RMDN3: variants seen among roughly 807,000 people sequenced by gnomAD.
RMDN3 encodes regulator of microtubule dynamics 3.
In RMDN3, 41 loss-of-function variants were observed where a neutral mutation model predicts 61.8. That is an observed-to-expected ratio of 0.66 (90% CI 0.52 to 0.86). RMDN3 has a LOEUF of 0.86. Ranked by LOEUF, RMDN3 falls within the 40% of genes least tolerant of loss-of-function variation. The pLI is 0.00. For synonymous variants in RMDN3, 247 were observed against 232.0 expected (o/e 1.06, Z -0.59); for missense variants, 557 against 585.3 (o/e 0.95, Z 0.50).
rs759322252 is a variant in RMDN3, at chr15:40,752,045, C to T, written c.321G>A (p.Glu107=). 2 of 1,614,240 alleles carry T rather than the reference C, an allele frequency of 1.2e-6. No homozygotes were observed. The highest frequency in any genetic ancestry group is 1.1e-5 in the South Asian group (1 of 91,088). ...VLTSLVALRR[E]VEELRSSLRG... ...GCAGGCTGCTTCTCAGCTCCTCCACCTCCCGCCGCAGCGCCACAAGGCTGG... is the reference window on the plus strand; with the variant it reads ...GCAGGCTGCTTCTCAGCTCCTCCACTTCCCGCCGCAGCGCCACAAGGCTGG... Residue 107 remains glutamate, a synonymous_variant, in exon 3 of 13, where the codon GAG becomes GAA. Transcript: ENST00000338376.
At chr15:40,750,360 C>G (rs917956541) in intron 4 of RMDN3, among the ~76,000 whole-genome samples, 1 of 152,034 alleles carries the variant, frequency 6.6e-6, no homozygotes, top group Non-Finnish European at 1.5e-5. Context: ...GCTGGGATTA[C>G]AGGCATGCAC....
At chr15:40,752,290 A>G (rs1174940639) in intron 2 of RMDN3, 112 bp from the exon 3 acceptor site, 5 of 1,073,862 alleles carry the variant, frequency 4.7e-6, no homozygotes. Context: ...AGGCCCAGTG[A>G]CGCTCAGATA....
Position 40,754,658 on chromosome 15 carries a change from G to A in RMDN3, c.126C>T (p.Gly42=). ...SQRWKRTQRH[G]RSQSLPNSLD... ...GGGAGTTGGGCAGGCTCTGGCTGCG[G>A]CCATGACGCTGGGTCCGTTTCCATC... The change falls in exon 2 of 13, where the codon GGC becomes GGT. Residue 42 remains glycine, a synonymous_variant. Transcript: ENST00000338376. The A allele has an allele frequency of 1.2e-6, 2 of 1,614,168 alleles. No individual in the cohort carries two copies. The highest frequency in any genetic ancestry group is 1.7e-6 in the Non-Finnish European group (2 of 1,180,034).
chr15:40,752,719 CCCAT>C (rs148605472), intron 2 of RMDN3, among the ~76,000 whole-genome samples: 4 of 152,238 alleles, frequency 2.6e-5, no homozygotes, highest in African/African-American at 7.2e-5. Flanking sequence ...CCAGAAAAAG[CCCAT>C]CCAAACTGCC....
In RMDN3 at chr15:40,745,287, G is replaced by A. The variant is rs762220979; in HGVS notation, c.525-28C>T. On this transcript the variant is annotated intron_variant, in intron 4 of 12. Transcript: ENST00000338376. ...GGCAGAGAAATGTAAGGGACAACAA[G>A]AGGATTATTCAGCTCAGAGCCCCTA... 3.7e-6 allele frequency: 6 copies of A among 1,607,726 alleles called. No homozygotes were observed. In the Admixed American group the frequency reaches 8.4e-5, roughly 22 times the overall value.
At chr15:40,751,211 G>A (rs1005951400) in intron 4 of RMDN3, among the ~76,000 whole-genome samples, 1 of 152,210 alleles carries the variant, frequency 6.6e-6, no homozygotes, top group Admixed American at 6.5e-5. Context: ...AATAAACTAA[G>A]ATAACAGATG....
rs369661380 is a variant in RMDN3 at position 40,745,049 on chromosome 15, G to T, written c.735C>A (p.Ala245=). 6.2e-7 allele frequency: 1 copy of T among 1,613,896 alleles called. No individual in the cohort carries two copies. The highest frequency in any genetic ancestry group is 1.1e-5 in the South Asian group (1 of 91,084). Residue 245 remains alanine, a synonymous_variant, in exon 5 of 13, where the codon GCC becomes GCA. Coordinates refer to ENST00000338376, the MANE Select transcript of RMDN3 (RefSeq NM_018145.3). The stretch of plus-strand genomic sequence containing the variant: ...GCTCATCACCCCTGTGCAGCTCGTC[G>T]GCCTGCTGCAGGAGGGGCAGCACAT... ...LEDVLPLLQQ[A]DELHRGDEQG...
Position 40,752,012 on chromosome 15 carries a change from A to G in RMDN3, c.354T>C (p.Leu118=). ...VEELRSSLRG[L]AGEIVGEVRC... is the part of the protein sequence containing the mutation. The stretch of plus-strand genomic sequence containing the variant: ...GGACCTCCCCAACAATCTCCCCCGC[A>G]AGCCCTCGCAGGCTGCTTCTCAGCT... Residue 118 remains leucine, a synonymous_variant, in exon 3 of 13, where the codon CTT becomes CTC. Coordinates refer to ENST00000338376, the MANE Select transcript of RMDN3 (RefSeq NM_018145.3). The G allele has an allele frequency of 6.2e-7, 1 of 1,614,144 alleles. No individual in the cohort carries two copies. Among genetic ancestry groups the G allele is most frequent in the East Asian group, 2.2e-5 (1 of 44,880 alleles).
At chr15:40,739,428 C>CT (rs564240538) in intron 7 of RMDN3, 9 of 152,306 alleles carry the variant, frequency 5.9e-5, no homozygotes, top group Middle Eastern at 3.4e-3. Flanking sequence ...TACCTGGCCT[C>CT]TGAGAAGAAC....
intron 6 of RMDN3, among the ~76,000 whole-genome samples, chr15:40,743,370 G>A (rs576088662): frequency 1.3e-5 from 2 of 151,632 alleles, no homozygotes; most frequent in South Asian, 4.2e-4. Flanking sequence ...GCAGTCAGCC[G>A]AGATCAGGCC....
intron 4 of RMDN3, among the ~76,000 whole-genome samples, chr15:40,746,201 G>A (rs1897540389): frequency 6.6e-6 from 1 of 152,180 alleles, no homozygotes; most frequent in South Asian, 2.1e-4. Context: ...CAGGGGAAAA[G>A]GTAGGACTTC....
intron 10 of RMDN3, 96 bp from the exon 11 acceptor site, chr15:40,737,437 C>T (rs1897099779): frequency 1.6e-6 from 2 of 1,271,700 alleles, no homozygotes; most frequent in Admixed American, 3.4e-5. Context: ...AACCATGTGG[C>T]TGATTCAGTG....
chr15:40,748,399 C>T (rs1402954074), intron 4 of RMDN3, among the ~76,000 whole-genome samples: 1 of 152,202 alleles, frequency 6.6e-6, no homozygotes, highest in Non-Finnish European at 1.5e-5. Flanking sequence ...CACCTGCTCT[C>T]ATGCCACGGG....
chr15:40,744,888 AC>A, intron 5 of RMDN3, 88 bp downstream of exon 5: 1 of 1,380,518 alleles, frequency 7.2e-7, no homozygotes. Context: ...AGGGGCAGTA[AC>A]CACACGGGCC....
At chr15:40,736,685 CT>C (rs1479359388) in intron 12 of RMDN3, 91 bp from the exon 13 acceptor site, 3 of 1,094,624 alleles carry the variant, frequency 2.7e-6, no homozygotes, top group Non-Finnish European at 4.2e-6. Flanking sequence ...CCTTTGCTTC[CT>C]TCCTGAGCTC....
intron 4 of RMDN3, among the ~76,000 whole-genome samples, chr15:40,745,895 G>T (rs1400155154): frequency 6.6e-6 from 1 of 152,148 alleles, no homozygotes; most frequent in Non-Finnish European, 1.5e-5. Flanking sequence ...GCAACCTCTG[G>T]CCCAAGTCAA....
chr15:40,745,392 C>T, intron 4 of RMDN3, 133 bp from the exon 5 acceptor site: 1 of 745,658 alleles, frequency 1.3e-6, no homozygotes, highest in Non-Finnish European at 2.1e-6. Flanking sequence ...ATTCATACCT[C>T]TTAAGGGCAG....
chr15:40,742,163 T>G (rs1897309357), intron 6 of RMDN3, among the ~76,000 whole-genome samples: 1 of 150,892 alleles, frequency 6.6e-6, no homozygotes, highest in Non-Finnish European at 1.5e-5. Flanking sequence ...GCCTGGCTAA[T>G]TTTTTAAGTT....
Position 40,737,339 on chromosome 15 carries a change from A to T in RMDN3, c.1227T>A (p.Ala409=). Reference sequence around the variant, plus strand: ...TGGAAAATCCTGGCTGTAGTTCTTCAGCCTGGGAAAAGGGACAAAGATATT... The same window carrying T: ...TGGAAAATCCTGGCTGTAGTTCTTCTGCCTGGGAAAAGGGACAAAGATATT... ...VEDALQSFLK[A]EELQPGFSKA... is the part of the protein sequence containing the mutation. The change falls in exon 11 of 13, where the codon GCT becomes GCA. Residue 409 remains alanine, a splice_region_variant and synonymous_variant. Coordinates refer to ENST00000338376, the MANE Select transcript of RMDN3 (RefSeq NM_018145.3). 6.2e-7 allele frequency: 1 copy of T among 1,613,782 alleles called. No individual in the cohort carries two copies. Among genetic ancestry groups the T allele is most frequent in the Non-Finnish European group, 8.5e-7 (1 of 1,179,658 alleles).
Sources: gnomAD v4.1 joint callset for allele counts (sites outside exome capture counted in the v4.1 genomes callset) on GRCh38, gnomAD v4.1.1 for gene constraint, MANE v1.5 for transcripts, NCBI Gene and HGNC (gene_info 2026-07-23, HGNC 2026-07-21) for gene names.